The following COL25A1 variants were observed in gnomAD, a reference collection of about 807,000 sequenced individuals.
The protein encoded by COL25A1 is collagen alpha-1(XXV) chain.
In COL25A1, 103 loss-of-function variants were observed where a neutral mutation model predicts 128.4. The ratio of observed to expected loss-of-function variants is 0.80; its 90% CI spans 0.68 to 0.94. The LOEUF is 0.94. COL25A1 is among the 40% of genes least tolerant of loss of function. The probability of loss-of-function intolerance (pLI) is 0.00; values close to 1 mark genes in which losing one functional copy is unlikely to be tolerated. For synonymous variants in COL25A1, 279 were observed against 277.2 expected (o/e 1.01, Z -0.06); for missense variants, 745 against 840.0 (o/e 0.89, Z 1.40).
At chr4:108,953,033 A>T (rs1749647843) in intron 8 of COL25A1, among the ~76,000 whole-genome samples, 1 of 152,036 alleles carries the variant, frequency 6.6e-6, no homozygotes, top group African/African-American at 2.4e-5. Context: ...TATTCATGGA[A>T]GAAGTAGATG....
chr4:109,065,534 G>A (rs575285918), intron 3 of COL25A1, among the ~76,000 whole-genome samples: 9 of 127,438 alleles, frequency 7.1e-5, no homozygotes, highest in Admixed American at 3.1e-4. Flanking sequence ...GGTGCAGCAC[G>A]CGCGCGCGCG....
intron 3 of COL25A1, among the ~76,000 whole-genome samples, chr4:109,217,016 CT>C (rs1778046776): frequency 6.6e-6 from 1 of 152,072 alleles, no homozygotes; most frequent in Admixed American, 6.6e-5. Context: ...TTACATTACT[CT>C]TTTTAAAAAC....
chr4:109,098,096 C>T (rs372737285), intron 3 of COL25A1, among the ~76,000 whole-genome samples: 31 of 152,280 alleles, frequency 2.0e-4, no homozygotes, highest in African/African-American at 7.2e-4. Flanking sequence ...TCTGTAAATG[C>T]ACATTACATG....
intron 24 of COL25A1, among the ~76,000 whole-genome samples, chr4:108,858,369 G>A (rs1211234982): frequency 6.6e-6 from 1 of 152,114 alleles, no homozygotes; most frequent in Non-Finnish European, 1.5e-5. Context: ...TGTGGACTCA[G>A]TTAGGAATGG....
intron 3 of COL25A1, among the ~76,000 whole-genome samples, chr4:109,077,028 C>A (rs1377779426): frequency 1.3e-5 from 2 of 152,164 alleles, no homozygotes; most frequent in African/African-American, 4.8e-5. Context: ...GATACCCGAA[C>A]TTTGAAGGGA....
At chr4:108,828,477 G>C (rs1732651564) in intron 32 of COL25A1, among the ~76,000 whole-genome samples, 1 of 152,132 alleles carries the variant, frequency 6.6e-6, no homozygotes, top group Non-Finnish European at 1.5e-5. Flanking sequence ...CTGAATGCCA[G>C]ATAAGGTAGG....
intron 3 of COL25A1, among the ~76,000 whole-genome samples, chr4:109,266,462 T>A (rs147683856): frequency 1.3e-5 from 2 of 152,134 alleles, no homozygotes; most frequent in Non-Finnish European, 2.9e-5. Flanking sequence ...TGTAACAGAA[T>A]GTTCTAAAGG....
intron 3 of COL25A1, among the ~76,000 whole-genome samples, chr4:109,189,661 A>G (rs2126159449): frequency 6.6e-6 from 1 of 152,252 alleles, no homozygotes; most frequent in African/African-American, 2.4e-5. Flanking sequence ...CCATTTCACA[A>G]AGTCCACCTC....
intron 3 of COL25A1, among the ~76,000 whole-genome samples, chr4:109,295,091 C>T (rs947502685): frequency 2.0e-5 from 3 of 152,088 alleles, no homozygotes; most frequent in Admixed American, 6.6e-5. Flanking sequence ...ATGAATTAAA[C>T]TCTATGCAGA....
intron 3 of COL25A1, among the ~76,000 whole-genome samples, chr4:109,287,332 T>C (rs995171864): frequency 6.6e-6 from 1 of 152,172 alleles, no homozygotes; most frequent in East Asian, 1.9e-4. Flanking sequence ...AGTCAGGCAT[T>C]TGGCACAGGG....
At chr4:109,227,428 G>A (rs754576642) in intron 3 of COL25A1, among the ~76,000 whole-genome samples, 11 of 152,174 alleles carry the variant, frequency 7.2e-5, no homozygotes, top group Admixed American at 2.0e-4. Context: ...AAGGTATCTT[G>A]TAATTTTTGC....
At chr4:108,894,352 G>C (rs1156661933) in intron 16 of COL25A1, among the ~76,000 whole-genome samples, 1 of 152,008 alleles carries the variant, frequency 6.6e-6, no homozygotes, top group African/African-American at 2.4e-5. Flanking sequence ...TTCAGACGTA[G>C]TATAAATTTT....
In COL25A1 at chr4:108,957,708, G is replaced by A. The variant is rs969466101; in HGVS notation, c.493-16271C>T. Reference sequence around the variant, plus strand: ...AATAAAACTCAGCCTAGGACACCCCGTAGAAGTTTTTAGGTAATTAGCTGG... The same window carrying A: ...AATAAAACTCAGCCTAGGACACCCCATAGAAGTTTTTAGGTAATTAGCTGG... On this transcript the variant is annotated intron_variant, in intron 8 of 37. Transcript: ENST00000399132. 5.9e-5 allele frequency among the ~76,000 whole-genome samples: 9 copies of A among 152,138 alleles called. No homozygotes were observed. The South Asian group carries it at 6.2e-4, about 10-fold the overall frequency.
intron 8 of COL25A1, among the ~76,000 whole-genome samples, chr4:108,950,044 C>T (rs1427255344): frequency 6.6e-6 from 1 of 152,156 alleles, no homozygotes; most frequent in Admixed American, 6.5e-5. Context: ...TCAAATGTGG[C>T]TGGGATCTCT....
At chr4:109,224,854 C>T (rs755081233) in intron 3 of COL25A1, among the ~76,000 whole-genome samples, 15 of 152,124 alleles carry the variant, frequency 9.9e-5, no homozygotes, top group South Asian at 2.1e-4. Context: ...GCAGGAGAAT[C>T]GCTTGAACCC....
intron 3 of COL25A1, among the ~76,000 whole-genome samples, chr4:109,248,798 G>A (rs1780451399): frequency 6.6e-6 from 1 of 152,142 alleles, no homozygotes; most frequent in South Asian, 2.1e-4. Flanking sequence ...AAAGCATGAT[G>A]GTTAATGTTG....
intron 11 of COL25A1, among the ~76,000 whole-genome samples, chr4:108,936,990 T>C (rs1192006544): frequency 6.6e-6 from 1 of 151,998 alleles, no homozygotes; most frequent in African/African-American, 2.4e-5. Context: ...CCAAACATTA[T>C]GCAGGATGGA....
At chr4:109,023,127 C>T (rs59093346) in intron 5 of COL25A1, among the ~76,000 whole-genome samples, 18,978 of 152,130 alleles carry the variant, frequency 0.12, 1,796 homozygotes, top group African/African-American at 0.27. Context: ...TAATCTTAGG[C>T]AATACTCCAG....
intron 37 of COL25A1, among the ~76,000 whole-genome samples, chr4:108,816,411 G>T (rs1731257593): frequency 6.6e-6 from 1 of 152,096 alleles, no homozygotes; most frequent in South Asian, 2.1e-4. Flanking sequence ...AAGCCACAAG[G>T]TGCTGGAGAA....
Sources: allele counts gnomAD v4.1 joint callset (sites outside exome capture counted in the v4.1 genomes callset), GRCh38; gene constraint gnomAD v4.1.1; transcripts MANE v1.5; gene names NCBI Gene and HGNC (gene_info 2026-07-23, HGNC 2026-07-21).